Variants in PDK2 observed in about 807,000 individuals in gnomAD.
PDK2 encodes pyruvate dehydrogenase kinase, isozyme 2.
In PDK2, 34 loss-of-function variants were observed where a neutral mutation model predicts 50.4. That is an observed-to-expected ratio of 0.68 (90% CI 0.51 to 0.90). The LOEUF is 0.90. PDK2 is among the 40% of genes least tolerant of loss of function. PDK2 has a pLI of 0.00. For synonymous variants in PDK2, 232 were observed against 216.0 expected, an observed-to-expected ratio of 1.07 and a Z score of -0.65; for missense variants, 377 against 544.5, an observed-to-expected ratio of 0.69 and a Z score of 3.06.
intron 6 of PDK2, among the ~76,000 whole-genome samples, chr17:50,107,836 C>A (rs1220075788): frequency 6.6e-6 from 1 of 152,150 alleles, no homozygotes; most frequent in Non-Finnish European, 1.5e-5. Flanking sequence ...TCCTAGAACC[C>A]CAATACCAGT....
chr17:50,107,126 C>T lies in PDK2; in HGVS notation c.658C>T (p.Pro220Ser), dbSNP rs1332435197. Residue 220 changes from proline to serine, a missense_variant, in exon 6 of 11, where the codon CCT (proline) becomes TCT (serine). Coordinates refer to ENST00000503176, the MANE Select transcript of PDK2 (RefSeq NM_002611.5). ...GTGTGACAAGTATTACATGGCCTCA[C>T]CTGACCTGGAGATCCAGGAGATCAA... Reference protein sequence around the residue: ...LLCDKYYMASPDLEIQEINAA... With the variant: ...LLCDKYYMASSDLEIQEINAA... The T allele has an allele frequency of 1.2e-6, 2 of 1,613,992 alleles. No individual in the cohort carries two copies. Among genetic ancestry groups the T allele is most frequent in the African/African-American group, 2.7e-5 (2 of 74,892 alleles).
At chr17:50,103,362 T>C (rs980352639) in intron 2 of PDK2, among the ~76,000 whole-genome samples, 9 of 152,130 alleles carry the variant, frequency 5.9e-5, no homozygotes, top group African/African-American at 2.2e-4. Context: ...TCCAACATGC[T>C]GTGATTCAGA....
chr17:50,096,141 G>T, intron 1 of PDK2: 3 of 985,656 alleles, frequency 3.0e-6, no homozygotes, highest in Non-Finnish European at 3.6e-6. Context: ...GAAGGAGCTG[G>T]ACCCTAGCTG....
At chr17:50,105,847 T>G in intron 3 of PDK2, 38 bp from the exon 4 acceptor site, 2 of 1,603,630 alleles carry the variant, frequency 1.2e-6, no homozygotes, top group Admixed American at 3.4e-5. Flanking sequence ...GAGAAGAGTC[T>G]GGGGGTGTCC....
chr17:50,108,649 T>C lies in PDK2; in HGVS notation c.899T>C (p.Ile300Thr), dbSNP rs569131987. ...DRGGGVPLRKIERLFSYMYST... is the reference protein window; with the variant it reads ...DRGGGVPLRKTERLFSYMYST... ...GGTGGGGGTGTTCCCTTGAGGAAGA[T>C]TGAGCGACTCTTCAGCTACATGTAC... The change falls in exon 9 of 11, where the codon ATT (isoleucine) becomes ACT (threonine). Residue 300 changes from isoleucine (I) to threonine (T), a missense_variant. Coordinates refer to ENST00000503176, the MANE Select transcript of PDK2 (RefSeq NM_002611.5). 8.7e-6 allele frequency: 14 copies of C among 1,613,328 alleles called. No homozygotes were observed. Among genetic ancestry groups the C allele is most frequent in the African/African-American group, 2.7e-5 (2 of 74,956 alleles).
At chr17:50,106,126 C>T (rs1264099884) in intron 4 of PDK2, 57 bp downstream of exon 4, 1 of 1,551,078 alleles carries the variant, frequency 6.4e-7, no homozygotes, top group East Asian at 2.4e-5. Context: ...TGCTGGGGCC[C>T]AGGGCCGGGC....
intron 6 of PDK2, chr17:50,107,883 C>A: frequency 4.1e-6 from 2 of 486,170 alleles, no homozygotes; most frequent in South Asian, 4.8e-5. Flanking sequence ...CTCGCCAGCC[C>A]CTTGCTGGAC....
intron 2 of PDK2, among the ~76,000 whole-genome samples, chr17:50,102,944 G>A (rs1459314277): frequency 3.3e-5 from 5 of 152,350 alleles, no homozygotes; most frequent in African/African-American, 9.6e-5. Context: ...ATCCCAACCT[G>A]CTGCTTACTA....
Position 50,110,095 on chromosome 17 carries a change from T to C in PDK2, c.1222T>C (p.Ter408GlnextTer8). 6.2e-7 allele frequency: 1 copy of C among 1,600,628 alleles called. No homozygotes were observed. Among genetic ancestry groups the C allele is most frequent in the African/African-American group, 1.3e-5 (1 of 74,766 alleles). ...PKNTSTYRVS[*>Q] ...GAACACGTCCACGTACCGCGTCAGC[T>C]AAGGGCCGCCGTGCATCTGCACCTG... The change falls in exon 11 of 11, where the codon TAA (stop) becomes CAA (glutamine). Residue 408 changes from the stop codon to glutamine, a stop_lost. Transcript: ENST00000503176.
intron 2 of PDK2, among the ~76,000 whole-genome samples, chr17:50,099,717 C>T (rs1191444328): frequency 2.6e-5 from 4 of 152,208 alleles, no homozygotes; most frequent in Non-Finnish European, 5.9e-5. Flanking sequence ...GGCGTGAACC[C>T]GGGAGGCGGA....
intron 1 of PDK2, 65 bp downstream of exon 1, chr17:50,095,618 G>A: frequency 1.3e-6 from 2 of 1,512,052 alleles, no homozygotes; most frequent in Non-Finnish European, 1.8e-6. Context: ...GGCAGCCGGG[G>A]GCTAGGGGGA....
At chr17:50,104,892 C>T (rs551835196) in intron 2 of PDK2, among the ~76,000 whole-genome samples, 1 of 152,368 alleles carries the variant, frequency 6.6e-6, no homozygotes, top group South Asian at 2.1e-4. Flanking sequence ...CCAGGAGGCC[C>T]TGTGCTGGCC....
chr17:50,104,695 C>T (rs1000459142), intron 2 of PDK2, among the ~76,000 whole-genome samples: 4 of 152,242 alleles, frequency 2.6e-5, no homozygotes, highest in Non-Finnish European at 5.9e-5. Context: ...GTAGAGTGAG[C>T]TTCTCTGGAC....
intron 6 of PDK2, 114 bp downstream of exon 6, chr17:50,107,267 AT>A (rs1910566704): frequency 1.4e-6 from 1 of 740,274 alleles, no homozygotes; most frequent in East Asian, 2.7e-5. Flanking sequence ...AAGCAGAGTT[AT>A]TATATTATTA....
intron 4 of PDK2, chr17:50,106,516 G>T: frequency 1.9e-6 from 1 of 521,334 alleles, no homozygotes; most frequent in Middle Eastern, 4.9e-4. Context: ...TATAGTCAAA[G>T]AAAAGAATAA....
chr17:50,096,722 G>A (rs1317655590), intron 1 of PDK2, among the ~76,000 whole-genome samples: 1 of 152,190 alleles, frequency 6.6e-6, no homozygotes, highest in African/African-American at 2.4e-5. Context: ...TACTATGGGG[G>A]AAACTGAGAC....
intron 2 of PDK2, among the ~76,000 whole-genome samples, chr17:50,104,714 G>A (rs1910413160): frequency 6.6e-6 from 1 of 152,128 alleles, no homozygotes. Flanking sequence ...ACTCTCCATG[G>A]GCCCCAGCCC....
chr17:50,105,927 C>T lies in PDK2; in HGVS notation c.375C>T (p.Asp125=), dbSNP rs774378213. The T allele has an allele frequency of 3.1e-6, 5 of 1,613,652 alleles. No individual in the cohort carries two copies. Among genetic ancestry groups the T allele is most frequent in the South Asian group, 1.1e-5 (1 of 90,890 alleles). Reference sequence around the variant, plus strand: ...TCACCATCCGGAACCGGCACAACGACGTGGTGCCCACCATGGCACAAGGCG... The same window carrying T: ...TCACCATCCGGAACCGGCACAACGATGTGGTGCCCACCATGGCACAAGGCG... ...ALVTIRNRHN[D]VVPTMAQGVL... The change falls in exon 4 of 11, where the codon GAC becomes GAT. Residue 125 remains aspartate (D), a synonymous_variant. Coordinates refer to ENST00000503176, the MANE Select transcript of PDK2 (RefSeq NM_002611.5).
At position 50,109,967 on chromosome 17, in the gene PDK2, C is replaced by T. The variant is rs916705373; in HGVS notation, c.1094C>T (p.Thr365Met). Reference protein sequence around the residue: ...DAVIYLKALSTDSVERLPVYN... With the variant: ...DAVIYLKALSMDSVERLPVYN... ...CCTGACACTCCCCAGGCCCTGTCCA[C>T]GGACTCGGTGGAGCGCCTGCCTGTC... Residue 365 changes from threonine to methionine, a missense_variant, in exon 11 of 11, where the codon ACG (threonine) becomes ATG (methionine). Around this residue, in one of 3 missense-constraint regions of PDK2, gnomAD observed 214 missense variants for 294.0 expected, o/e 0.73. Transcript: ENST00000503176. This position sits in a 1 kb window ranked among gnomAD's most constrained non-coding sequence, Gnocchi z 5.0. The T allele has an allele frequency of 6.4e-6, 10 of 1,569,158 alleles. No homozygotes were observed. The highest frequency in any genetic ancestry group is 5.4e-5 in the African/African-American group (4 of 74,062).
Sources: allele counts gnomAD v4.1 joint callset (sites outside exome capture counted in the v4.1 genomes callset), GRCh38; gene constraint gnomAD v4.1.1; regional missense constraint gnomAD v4.1.1; non-coding constraint Gnocchi (gnomAD v3.1); transcripts MANE v1.5; gene names NCBI Gene and HGNC (gene_info 2026-07-23, HGNC 2026-07-21).